IL17RB: variants seen among roughly 807,000 people sequenced by gnomAD.
IL17RB encodes interleukin-17 receptor B.
IL17RB carries 36 observed loss-of-function variants against 43.9 expected under a neutral mutation model. That is an observed-to-expected ratio of 0.82 (90% CI 0.63 to 1.08). IL17RB has a LOEUF of 1.08. IL17RB is among the 50% of genes least tolerant of loss of function. The probability of loss-of-function intolerance (pLI) is 0.00; values close to 1 mark genes in which losing one functional copy is unlikely to be tolerated. For missense variants in IL17RB, 613 were observed against 613.6 expected, an observed-to-expected ratio of 1.00 and a Z score of 0.01; for synonymous variants, 225 against 225.4, an observed-to-expected ratio of 1.00 and a Z score of 0.02.
At chr3:53,855,862 A>T (rs1279488815) in intron 6 of IL17RB, among the ~76,000 whole-genome samples, 1 of 152,218 alleles carries the variant, frequency 6.6e-6, no homozygotes, top group African/African-American at 2.4e-5. Context: ...AGGCTAGTGA[A>T]TTTTACCCCT....
In IL17RB at chr3:53,856,923, G is replaced by A. The variant is rs374054486; in HGVS notation, c.609G>A (p.Leu203=). ...TVEVNFTTTP[L]GNRYMALIQH... ...AAGTGAACTTCACAACCACTCCCCT[G>A]GGAAACAGATACATGGCTCTTATCC... Residue 203 remains leucine (L), a synonymous_variant, in exon 7 of 11, where the codon CTG becomes CTA. Transcript: ENST00000288167. The A allele has an allele frequency of 2.5e-6, 4 of 1,613,946 alleles. No individual in the cohort carries two copies. The East Asian group carries it at 6.7e-5, about 27-fold the overall frequency.
intron 9 of IL17RB, chr3:53,859,091 T>C (rs1342691920): frequency 3.1e-6 from 1 of 321,628 alleles, no homozygotes; most frequent in Non-Finnish European, 5.7e-6. Flanking sequence ...ATGGATGTTC[T>C]GAGTGCCACA....
Position 53,846,876 on chromosome 3 carries a change from C to T in IL17RB, c.60+228C>T, listed in dbSNP as rs59081921. ...CAGATGCCACCCTGTACTGTTGGTT[C>T]TGTCATTTATGCTCACCAAGTTCCA... is the stretch of plus-strand genomic sequence containing the variant. On this transcript the variant is annotated intron_variant, in intron 1 of 10. Coordinates refer to ENST00000288167, the MANE Select transcript of IL17RB (RefSeq NM_018725.4). 6.9e-3 allele frequency among the ~76,000 whole-genome samples: 1,050 copies of T among 152,306 alleles called. 15 individuals are homozygous for T. Among genetic ancestry groups the T allele is most frequent in the African/African-American group, 0.023 (964 of 41,564 alleles).
intron 6 of IL17RB, among the ~76,000 whole-genome samples, chr3:53,855,614 TAAC>T (rs1386189437): frequency 2.6e-5 from 4 of 152,178 alleles, no homozygotes; most frequent in Admixed American, 6.5e-5. Flanking sequence ...TCCACTTGGT[TAAC>T]AACATTTTAG....
rs1576831521 is a variant in IL17RB, at chr3:53,853,138, G to A, written c.481+141G>A. 6.4e-6 allele frequency: 6 copies of A among 931,936 alleles called. No homozygotes were observed. In the East Asian group the frequency reaches 1.2e-4, roughly 19 times the overall value. The allele number at this position is 931,936 out of a possible 1,614,324, so 57.7% of individuals were successfully genotyped here. On this transcript the variant is annotated intron_variant, in intron 5 of 10. Transcript: ENST00000288167. ...TTCCCTTATCTAAAGCATGGACACA[G>A]TAGTAACCATACTTTACCCACAGAG...
At position 53,846,667 on chromosome 3, in the gene IL17RB, C is replaced by T. The variant is rs755926508; in HGVS notation, c.60+19C>T. 1 of 1,583,570 alleles carries T rather than the reference C, an allele frequency of 6.3e-7. No homozygotes were observed. The highest frequency in any genetic ancestry group is 2.4e-5 in the East Asian group (1 of 42,218). ...AGAGCCGGTAAGCCCCCGCCAGCAC[C>T]TCTTCCCTCATCTCCCGGCCCTCGA... On this transcript the variant is annotated intron_variant, in intron 1 of 10. Transcript: ENST00000288167.
chr3:53,850,053 A>G (rs1490676019), intron 3 of IL17RB, among the ~76,000 whole-genome samples: 1 of 152,254 alleles, frequency 6.6e-6, no homozygotes, highest in Non-Finnish European at 1.5e-5. Context: ...ATCTGTAACT[A>G]CGTACAACAA....
At chr3:53,849,894 C>G (rs1699072544) in intron 3 of IL17RB, 99 bp downstream of exon 3, 2 of 1,186,028 alleles carry the variant, frequency 1.7e-6, no homozygotes, top group Non-Finnish European at 2.3e-6. Flanking sequence ...GCATAACCAA[C>G]AGAAATACAT....
In IL17RB at chr3:53,856,830, C is replaced by G. The variant is rs372706128; in HGVS notation, c.530-14C>G. On this transcript the variant is annotated splice_polypyrimidine_tract_variant and intron_variant, in intron 6 of 10. Coordinates refer to ENST00000288167, the MANE Select transcript of IL17RB (RefSeq NM_018725.4). The stretch of plus-strand genomic sequence containing the variant: ...TTAGCAAGTTCATCTACATGGTTCT[C>G]TCTCAACTCACAGGAAGCCTGTGGG... 12 of 1,614,014 alleles carry G rather than the reference C, an allele frequency of 7.4e-6. 1 individual carries two copies. The South Asian group carries it at 1.3e-4, about 18-fold the overall frequency.
intron 6 of IL17RB, 128 bp from the exon 7 acceptor site, chr3:53,856,716 G>A (rs1156329641): frequency 1.2e-6 from 1 of 840,088 alleles, no homozygotes; most frequent in African/African-American, 1.7e-5. Context: ...AGTTCACTAT[G>A]TAGCAGCGTC....
chr3:53,846,672 C>A (rs187749947), intron 1 of IL17RB, 24 bp downstream of exon 1: 16 of 1,575,142 alleles, frequency 1.0e-5, no homozygotes, highest in Non-Finnish European at 1.3e-5. Context: ...AGCACCTCTT[C>A]CCTCATCTCC....
intron 8 of IL17RB, 133 bp downstream of exon 8, chr3:53,857,823 G>T: frequency 1.2e-6 from 1 of 806,866 alleles, no homozygotes; most frequent in East Asian, 2.7e-5. Flanking sequence ...GGCGTTCATG[G>T]GGGCTCTTTC....
rs147741780 is a variant in IL17RB at position 53,860,676 on chromosome 3, TC to T, written c.946+449del. 581 of 152,582 alleles carry T rather than the reference TC, an allele frequency of 3.8e-3. 4 individuals carry two copies. Among genetic ancestry groups the T allele is most frequent in the African/African-American group, 0.013 (561 of 41,594 alleles). 9.5% of individuals were successfully genotyped at this position (152,582 alleles called of 1,614,324 possible). A position where few individuals can be genotyped will look rare whatever the true frequency, so the allele number is the denominator to read the frequency against. ...CAGAGCCACTTACACCTGGATTTTTTCAATACATATATTGGAAAATTTTTTG... is the reference window on the plus strand; with the variant it reads ...CAGAGCCACTTACACCTGGATTTTTTAATACATATATTGGAAAATTTTTTG... On this transcript the variant is annotated intron_variant, in intron 10 of 10. Coordinates refer to ENST00000288167, the MANE Select transcript of IL17RB (RefSeq NM_018725.4).
At position 53,865,464 on chromosome 3, in the gene IL17RB, A is replaced by T; in HGVS notation, c.*156A>T. Reference sequence around the variant, plus strand: ...TAAAATTTTCAAATATTGCTAACTAATGTAGCATTAACTAACGATTGGAAA... The same window carrying T: ...TAAAATTTTCAAATATTGCTAACTATTGTAGCATTAACTAACGATTGGAAA... On this transcript the variant is annotated 3_prime_UTR_variant, in exon 11 of 11. Coordinates refer to ENST00000288167, the MANE Select transcript of IL17RB (RefSeq NM_018725.4). 1.7e-6 allele frequency: 1 copy of T among 574,660 alleles called. No individual in the cohort carries two copies. The highest frequency in any genetic ancestry group is 2.8e-5 in the East Asian group (1 of 35,190). The allele number at this position is 574,660 out of a possible 1,614,324, so 35.6% of individuals were successfully genotyped here. A position where few individuals can be genotyped will look rare whatever the true frequency, so the allele number is the denominator to read the frequency against.
rs577776754 is a variant in IL17RB at position 53,853,067 on chromosome 3, A to C, written c.481+70A>C. ...CCTGCTTTGCGATATGCACAGAGAG[A>C]GCCCAGGGAACCCTGGATAAGGCTT... is the stretch of plus-strand genomic sequence containing the variant. On this transcript the variant is annotated intron_variant, in intron 5 of 10. Coordinates refer to ENST00000288167, the MANE Select transcript of IL17RB (RefSeq NM_018725.4). 176 of 1,585,484 alleles carry C rather than the reference A, an allele frequency of 1.1e-4. 2 individuals are homozygous for C. The South Asian group carries it at 1.9e-3, about 17-fold the overall frequency.
chr3:53,848,189 A>T (rs1699002600), intron 1 of IL17RB, among the ~76,000 whole-genome samples: 1 of 152,240 alleles, frequency 6.6e-6, no homozygotes, highest in South Asian at 2.1e-4. Context: ...GGAACATTTT[A>T]AAGAACCTGA....
intron 3 of IL17RB, among the ~76,000 whole-genome samples, chr3:53,850,191 C>G (rs4687752): frequency 0.48 from 73,102 of 152,150 alleles, 20,786 homozygotes; most frequent in Non-Finnish European, 0.64. Flanking sequence ...CAAAACCAAT[C>G]TAGTGTTTAG....
chr3:53,851,734 A>T (rs767240092), intron 3 of IL17RB, among the ~76,000 whole-genome samples: 1 of 152,168 alleles, frequency 6.6e-6, no homozygotes, highest in Non-Finnish European at 1.5e-5. Context: ...AAGCTGACCT[A>T]TGAGGAGGAG....
At chr3:53,849,903 A>C in intron 3 of IL17RB, 108 bp downstream of exon 3, 1 of 1,080,812 alleles carries the variant, frequency 9.3e-7, no homozygotes, top group Non-Finnish European at 1.3e-6. Context: ...ACAGAAATAC[A>C]TGCATACACG....
Sources: allele counts gnomAD v4.1 joint callset (sites outside exome capture counted in the v4.1 genomes callset), GRCh38; gene constraint gnomAD v4.1.1; transcripts MANE v1.5; gene names NCBI Gene and HGNC (gene_info 2026-07-23, HGNC 2026-07-21).